The following ATF6 variants were observed in gnomAD, a reference collection of about 807,000 sequenced individuals.
The protein encoded by ATF6 is activating transcription factor 6.
In ATF6, 53 loss-of-function variants were observed where a neutral mutation model predicts 83.6. That is an observed-to-expected ratio of 0.63 (90% CI 0.51 to 0.80). The LOEUF (loss-of-function observed/expected upper bound fraction) is 0.80. Among genes scored for constraint, ATF6 ranks in the 30% least tolerant of loss-of-function variants. The pLI is 0.00. For missense variants in ATF6, 744 were observed against 797.9 expected (o/e 0.93, Z 0.81); for synonymous variants, 288 against 285.8 (o/e 1.01, Z -0.08).
At position 161,853,223 on chromosome 1, in the gene ATF6, GGTTAAA is replaced by G; in HGVS notation, c.1434_1439del (p.Arg478_Asn480delinsSer). On this transcript the variant is annotated inframe_deletion and splice_region_variant, in exon 12 of 16. Coordinates refer to ENST00000367942, the MANE Select transcript of ATF6 (RefSeq NM_007348.4). ...TTAATTAATTAAACTATATTTTATA[GGTTAAA>G]TCATGAACTTCGAGGATGGGTTCAT... The G allele has an allele frequency of 6.3e-7, 1 of 1,580,772 alleles. No homozygotes were observed. Among genetic ancestry groups the G allele is most frequent in the Non-Finnish European group, 8.7e-7 (1 of 1,153,076 alleles).
At chr1:161,861,609 T>C (rs1686887839) in intron 13 of ATF6, among the ~76,000 whole-genome samples, 1 of 152,178 alleles carries the variant, frequency 6.6e-6, no homozygotes, top group Non-Finnish European at 1.5e-5. Context: ...ACAGCCAATT[T>C]TCATTATTTG....
intron 9 of ATF6, among the ~76,000 whole-genome samples, chr1:161,839,864 G>T (rs1288212800): frequency 6.6e-6 from 1 of 152,212 alleles, no homozygotes; most frequent in African/African-American, 2.4e-5. Context: ...CTTTGCTAAA[G>T]AGAGAGTAGT....
intron 2 of ATF6, among the ~76,000 whole-genome samples, chr1:161,780,556 G>A (rs1344195728): frequency 6.6e-6 from 1 of 151,950 alleles, no homozygotes; most frequent in African/African-American, 2.4e-5. Context: ...TGTATTTTTA[G>A]TAGAGATGGG....
chr1:161,915,235 C>T (rs1464198197), intron 15 of ATF6, among the ~76,000 whole-genome samples: 2 of 152,194 alleles, frequency 1.3e-5, no homozygotes, highest in Non-Finnish European at 2.9e-5. Flanking sequence ...AGAAAAGTCT[C>T]TTCCATTGGG....
intron 2 of ATF6, among the ~76,000 whole-genome samples, chr1:161,780,769 G>A (rs570950158): frequency 2.0e-5 from 3 of 152,120 alleles, no homozygotes; most frequent in African/African-American, 7.2e-5. Flanking sequence ...GAGTGCAGTG[G>A]CATGATCTTG....
intron 14 of ATF6, among the ~76,000 whole-genome samples, chr1:161,911,132 T>C (rs1345618844): frequency 6.6e-6 from 1 of 152,180 alleles, no homozygotes; most frequent in Non-Finnish European, 1.5e-5. Context: ...AGATCCTACT[T>C]TTTGATGAGT....
intron 14 of ATF6, among the ~76,000 whole-genome samples, chr1:161,904,957 A>T (rs1003643659): frequency 2.0e-5 from 3 of 152,224 alleles, no homozygotes; most frequent in Admixed American, 1.3e-4. Context: ...TGCCTTGTTA[A>T]GACTAGTCTT....
At chr1:161,774,949 A>T (rs1246725591) in intron 1 of ATF6, among the ~76,000 whole-genome samples, 1 of 152,192 alleles carries the variant, frequency 6.6e-6, no homozygotes, top group African/African-American at 2.4e-5. Flanking sequence ...CGACAAGATG[A>T]TCCTAAACCA....
At chr1:161,920,654 A>G (rs150349216) in intron 15 of ATF6, among the ~76,000 whole-genome samples, 2 of 150,736 alleles carry the variant, frequency 1.3e-5, no homozygotes, top group African/African-American at 4.9e-5. Context: ...ATCACAGTGA[A>G]TGAGCCAGTT....
intron 15 of ATF6, among the ~76,000 whole-genome samples, chr1:161,935,826 A>G (rs1487346061): frequency 1.3e-5 from 2 of 152,252 alleles, no homozygotes; most frequent in Non-Finnish European, 2.9e-5. Flanking sequence ...TTCTCAGTAA[A>G]GAGTGGCAAT....
chr1:161,802,296 C>T (rs1275288621), intron 7 of ATF6, 24 bp downstream of exon 7: 7 of 1,588,640 alleles, frequency 4.4e-6, no homozygotes, highest in South Asian at 2.2e-5. Context: ...CTTAGTGCTT[C>T]TCTTAATGCC....
chr1:161,842,154 G>C (rs1170477486), intron 9 of ATF6, among the ~76,000 whole-genome samples: 3 of 152,064 alleles, frequency 2.0e-5, no homozygotes, highest in Non-Finnish European at 4.4e-5. Flanking sequence ...TTTCCAAACT[G>C]TCCACTTCTG....
At chr1:161,914,444 CCT>C (rs1688050221) in intron 15 of ATF6, among the ~76,000 whole-genome samples, 1 of 152,186 alleles carries the variant, frequency 6.6e-6, no homozygotes. Context: ...TCCTCCACTG[CCT>C]CTGTCATCCT....
rs1295551489 is a variant in ATF6 at position 161,930,556 on chromosome 1, T to G, written c.1804+18176T>G. Among the ~76,000 whole-genome samples the G allele has an allele frequency of 2.6e-5, 4 of 152,220 alleles. No individual in the cohort carries two copies. The East Asian group carries it at 7.7e-4, about 29-fold the overall frequency. Reference sequence around the variant, plus strand: ...CATTTATTATAAAGAGGAGAATTTTTGAGACATTCTATATCCACTGGTCAG... The same window carrying G: ...CATTTATTATAAAGAGGAGAATTTTGGAGACATTCTATATCCACTGGTCAG... On this transcript the variant is annotated intron_variant, in intron 15 of 15. Transcript: ENST00000367942.
chr1:161,925,201 G>C (rs1346641666), intron 15 of ATF6, among the ~76,000 whole-genome samples: 1 of 152,112 alleles, frequency 6.6e-6, no homozygotes, highest in Non-Finnish European at 1.5e-5. Flanking sequence ...CTTCTGAATG[G>C]GCTCTGGTTT....
At chr1:161,830,547 A>G (rs1039861301) in intron 9 of ATF6, among the ~76,000 whole-genome samples, 7 of 152,214 alleles carry the variant, frequency 4.6e-5, no homozygotes, top group African/African-American at 2.4e-5. Flanking sequence ...ACTTCAAACT[A>G]TACTACAAGG....
chr1:161,877,115 T>G (rs1247595109), intron 14 of ATF6, among the ~76,000 whole-genome samples: 1 of 152,106 alleles, frequency 6.6e-6, no homozygotes. Flanking sequence ...ATTATTCTAC[T>G]ACTAGATCAT....
At chr1:161,913,198 A>C (rs1057332908) in intron 15 of ATF6, among the ~76,000 whole-genome samples, 2 of 152,206 alleles carry the variant, frequency 1.3e-5, no homozygotes, top group Non-Finnish European at 2.9e-5. Flanking sequence ...TGTATCTCAC[A>C]TAATGTAGGT....
intron 1 of ATF6, among the ~76,000 whole-genome samples, chr1:161,773,809 T>C (rs2101717474): frequency 6.6e-6 from 1 of 152,188 alleles, no homozygotes; most frequent in East Asian, 1.9e-4. Context: ...TTAGGATACT[T>C]TGGGGTAACT....
Sources: allele counts gnomAD v4.1 joint callset (sites outside exome capture counted in the v4.1 genomes callset), GRCh38; gene constraint gnomAD v4.1.1; transcripts MANE v1.5; gene names NCBI Gene and HGNC (gene_info 2026-07-23, HGNC 2026-07-21).